The following STS variants were observed in gnomAD, a reference collection of about 807,000 sequenced individuals.
STS encodes the protein steryl-sulfatase.
Under a neutral mutation model 26.8 loss-of-function variants are expected in STS, and 7 were observed. The observed-to-expected ratio is 0.26, with a 90% CI of 0.15 to 0.49. STS has a LOEUF of 0.49. Ranked by LOEUF, STS falls within the 20% of genes least tolerant of loss-of-function variation. The pLI is 0.98. For missense variants in STS, 434 were observed against 465.6 expected, an observed-to-expected ratio of 0.93 and a Z score of 0.63; for synonymous variants, 199 against 189.4, an observed-to-expected ratio of 1.05 and a Z score of -0.42.
chrX:7,324,962 G>C (rs768934264), intron 8 of STS, among the ~76,000 whole-genome samples: 2 of 111,293 alleles, frequency 1.8e-5, no homozygotes, highest in Non-Finnish European at 3.8e-5. Flanking sequence ...TTTGGATGCG[G>C]ACACTTGGGG....
chrX:7,218,928 A>G (rs1438157670), intron 2 of STS, among the ~76,000 whole-genome samples: 1 of 111,205 alleles, frequency 9.0e-6, no homozygotes, highest in Non-Finnish European at 1.9e-5. Context: ...TGTGGTTATA[A>G]GATCAACGAT....
chrX:7,332,349 G>A (rs1190716758), intron 9 of STS, among the ~76,000 whole-genome samples: 1 of 104,016 alleles, frequency 9.6e-6, no homozygotes, highest in Non-Finnish European at 2.0e-5. Context: ...AAAAAAAATC[G>A]AAAAATACTG....
chrX:7,206,031 A>G (rs1166052384), intron 2 of STS, among the ~76,000 whole-genome samples: 9 of 111,094 alleles, frequency 8.1e-5, no homozygotes, highest in African/African-American at 2.3e-4. Context: ...TGCACCCCCT[A>G]TGCACTTAGG....
chrX:7,231,595 T>A (rs1307372359), intron 2 of STS, among the ~76,000 whole-genome samples: 2 of 111,076 alleles, frequency 1.8e-5, no homozygotes, highest in Non-Finnish European at 3.8e-5. Flanking sequence ...CCTGTGCAAA[T>A]AACTCACAGT....
At chrX:7,205,248 C>T (rs1469614356) in intron 2 of STS, among the ~76,000 whole-genome samples, 2 of 112,519 alleles carry the variant, frequency 1.8e-5, no homozygotes, top group African/African-American at 6.5e-5. Context: ...ACACCAACAT[C>T]CTGGTTTCAT....
At position 7,163,083 on chromosome X, in the gene STS, G is replaced by A. The variant is rs191585039; in HGVS notation, c.-134+15000G>A. Among the ~76,000 whole-genome samples, 964 of 105,787 alleles carry A rather than the reference G, an allele frequency of 9.1e-3. 8 individuals carry two copies. Among genetic ancestry groups the A allele is most frequent in the Middle Eastern group, 0.039 (8 of 203 alleles). The allele number at this position is 105,787 out of a possible 115,157, so 91.9% of individuals were successfully genotyped here. On this transcript the variant is annotated intron_variant, in intron 1 of 10. Coordinates refer to ENST00000674429, the MANE Select transcript of STS (RefSeq NM_001320752.2). ...AAAAAAAAAAAAAAAAAAAATGCAT[G>A]AGACAGAGCTTACTTAGAGCAGGGT...
chrX:7,335,537 A>C (rs1229586582), intron 10 of STS, among the ~76,000 whole-genome samples: 1 of 110,880 alleles, frequency 9.0e-6, no homozygotes, highest in African/African-American at 3.3e-5. Context: ...GATTGCAAAA[A>C]TTTTCTCCCA....
intron 1 of STS, among the ~76,000 whole-genome samples, chrX:7,164,431 TC>T (rs1389681898): frequency 3.6e-5 from 4 of 110,819 alleles, no homozygotes; most frequent in Non-Finnish European, 7.5e-5. Flanking sequence ...ATGTAAAACC[TC>T]CTTCCTTTTC....
At chrX:7,228,916 C>G (rs988605763) in intron 2 of STS, among the ~76,000 whole-genome samples, 2 of 112,333 alleles carry the variant, frequency 1.8e-5, no homozygotes, top group Non-Finnish European at 3.8e-5. Flanking sequence ...CTTCTTATTT[C>G]TGATGTTACA....
intron 1 of STS, among the ~76,000 whole-genome samples, chrX:7,148,835 C>T (rs969478949): frequency 4.4e-5 from 5 of 112,465 alleles, no homozygotes; most frequent in Non-Finnish European, 9.4e-5. Flanking sequence ...TGAAATAATA[C>T]TAACAGTCAA....
rs751709832 is a variant in STS at position 7,300,061 on chromosome X, T to C, written c.944-4985T>C. On this transcript the variant is annotated intron_variant, in intron 7 of 10. Coordinates refer to ENST00000674429, the MANE Select transcript of STS (RefSeq NM_001320752.2). The stretch of plus-strand genomic sequence containing the variant: ...TGGAATGACAGAACTTTCTAGAATT[T>C]AGGCTTCCTCTGCAACCCACATCCA... Among the ~76,000 whole-genome samples the C allele has an allele frequency of 1.1e-3, 122 of 111,417 alleles. 1 individual carries two copies. The highest frequency in any genetic ancestry group is 3.7e-3 in the African/African-American group (114 of 30,672).
chrX:7,148,065 C>G lies in STS; in HGVS notation c.-152C>G. 1 of 1,138,637 alleles carries G rather than the reference C, an allele frequency of 8.8e-7. No individual in the cohort carries two copies. Among genetic ancestry groups the G allele is most frequent in the Middle Eastern group, 2.4e-4 (1 of 4,175 alleles). The allele number at this position is 1,138,637 out of a possible 1,213,427, so 93.8% of individuals were successfully genotyped here. The stretch of plus-strand genomic sequence containing the variant: ...GCACACTACCCACCCAGAAGAAGTC[C>G]GTCCATGTCAAAGATGAGGTGGGTG... On this transcript the variant is annotated 5_prime_UTR_variant, in exon 1 of 11. Transcript: ENST00000674429.
At chrX:7,246,614 G>A (rs1384444990) in intron 2 of STS, among the ~76,000 whole-genome samples, 1 of 111,605 alleles carries the variant, frequency 9.0e-6, no homozygotes, top group Non-Finnish European at 1.9e-5. Context: ...CCCTGGGAGA[G>A]ACTTTCAACT....
chrX:7,262,489 G>T (rs4595309), intron 6 of STS, among the ~76,000 whole-genome samples: 39,172 of 110,658 alleles, frequency 0.35, 5,129 homozygotes, highest in East Asian at 0.4. Context: ...AAAATGAAAC[G>T]GCCTTGCTGA....
intron 7 of STS, among the ~76,000 whole-genome samples, chrX:7,301,080 G>A (rs1299879510): frequency 1.8e-5 from 2 of 111,029 alleles, no homozygotes; most frequent in Admixed American, 1.9e-4. Flanking sequence ...AACCCATGTT[G>A]AATGAATGCA....
intron 2 of STS, among the ~76,000 whole-genome samples, chrX:7,220,077 A>G (rs1921482202): frequency 9.0e-6 from 1 of 111,583 alleles, no homozygotes; most frequent in Non-Finnish European, 1.9e-5. Flanking sequence ...CATCATGCAT[A>G]TGTGTTGCAG....
chrX:7,323,226 T>G (rs780226838), intron 8 of STS, among the ~76,000 whole-genome samples: 2 of 104,120 alleles, frequency 1.9e-5, no homozygotes, highest in South Asian at 8.3e-4. Context: ...AAACAACATG[T>G]TTTTTTTTTT....
intron 2 of STS, among the ~76,000 whole-genome samples, chrX:7,246,759 T>A (rs1219361017): frequency 8.9e-6 from 1 of 112,189 alleles, no homozygotes; most frequent in Non-Finnish European, 1.9e-5. Context: ...TTAGTTACAC[T>A]CTCAGTCTGT....
intron 7 of STS, among the ~76,000 whole-genome samples, chrX:7,285,105 G>T (rs1171058437): frequency 1.8e-5 from 2 of 110,549 alleles, no homozygotes; most frequent in Non-Finnish European, 3.8e-5. Flanking sequence ...AAGATGAAGA[G>T]GAGGAAGCAG....
Sources: gnomAD v4.1 joint callset for allele counts (sites outside exome capture counted in the v4.1 genomes callset) on GRCh38, gnomAD v4.1.1 for gene constraint, MANE v1.5 for transcripts, NCBI Gene and HGNC (gene_info 2026-07-23, HGNC 2026-07-21) for gene names.